The following ANKRD20A1 variants were observed in gnomAD, a reference collection of about 807,000 sequenced individuals.
ANKRD20A1 encodes ankyrin repeat domain 20 family member A1, also known as ankyrin repeat domain-containing protein 20A1.
A neutral mutation model predicts 50.9 loss-of-function variants in ANKRD20A1; 2 were observed. That is an observed-to-expected ratio of 0.04 (90% CI 0.02 to 0.12). The LOEUF (loss-of-function observed/expected upper bound fraction) is 0.12. Among genes scored for constraint, ANKRD20A1 ranks in the 10% least tolerant of loss-of-function variants. The pLI is 1.00. For synonymous variants in ANKRD20A1, 10 were observed against 186.2 expected (o/e 0.05, Z 7.70); for missense variants, 31 against 548.1 (o/e 0.06, Z 9.42).
At position 67,859,627 on chromosome 9, in the gene ANKRD20A1, C is replaced by G. The variant is rs2131547135; in HGVS notation, c.201C>G (p.His67Gln). 2 of 581,950 alleles carry G rather than the reference C, an allele frequency of 3.4e-6. 1 individual carries two copies. Among genetic ancestry groups the G allele is most frequent in the East Asian group, 9.1e-5 (2 of 21,964 alleles). 36.0% of individuals were successfully genotyped at this position (581,950 alleles called of 1,614,324 possible). A position where few individuals can be genotyped will look rare whatever the true frequency, so the allele number is the denominator to read the frequency against. ...ACCTGGACGCCCTGGACAAGCAGCA[C>G]AGGTAGCGGGGGCTCAGCCCGGGGT... ...SGDLDALDKQ[H>Q]RTALHLACTS... Residue 67 changes from histidine to glutamine, a missense_variant and splice_region_variant, in exon 1 of 15, where the codon CAC becomes CAG. Transcript: ENST00000562196.
chr9:67,884,615 G>A lies in ANKRD20A1; in HGVS notation c.979+45G>A, dbSNP rs1463387924. 5 of 1,588,822 alleles carry A rather than the reference G, an allele frequency of 3.1e-6. No homozygotes were observed. In the Admixed American group the frequency reaches 5.1e-5, roughly 16 times the overall value. ...TAAAAAGTCATCTGATGGAGGCCGG[G>A]TGCGGTGGCTCACGCCTGTAATCCC... On this transcript the variant is annotated intron_variant, in intron 9 of 14. Transcript: ENST00000562196.
intron 6 of ANKRD20A1, among the ~76,000 whole-genome samples, chr9:67,873,421 T>C: frequency 6.6e-6 from 1 of 152,312 alleles, no homozygotes; most frequent in Non-Finnish European, 1.5e-5. Context: ...GATATAGAAA[T>C]ACAAGAATCT....
intron 9 of ANKRD20A1, among the ~76,000 whole-genome samples, chr9:67,884,822 G>A (rs1335415302): frequency 2.0e-5 from 3 of 151,210 alleles, no homozygotes; most frequent in Non-Finnish European, 4.4e-5. Flanking sequence ...CCCGGGAGGC[G>A]GGGCTTGCAG....
chr9:67,882,923 G>A (rs1160949833), intron 8 of ANKRD20A1, among the ~76,000 whole-genome samples: 8 of 151,266 alleles, frequency 5.3e-5, no homozygotes, highest in Non-Finnish European at 7.4e-5. Flanking sequence ...TGCTCAGAAC[G>A]ATGGTTTCCA....
chr9:67,882,568 T>G (rs1389054589), intron 8 of ANKRD20A1, among the ~76,000 whole-genome samples: 2 of 150,100 alleles, frequency 1.3e-5, no homozygotes, highest in Non-Finnish European at 3.0e-5. Context: ...GATTTTAGAT[T>G]AACATTTCTT....
chr9:67,897,657 A>G lies in ANKRD20A1; in HGVS notation c.1251A>G (p.Gln417=). ...TSSAAAGRLT[Q]QRKIGKTYPQ... ...CTGCTGCTGCTGGCAGATTAACCCA[A>G]CAAAGAAAGATTGGGAAAACGTATC... Residue 417 remains glutamine (Q), a synonymous_variant, in exon 13 of 15, where the codon CAA becomes CAG. Transcript: ENST00000562196. 3 of 1,022,314 alleles carry G rather than the reference A, an allele frequency of 2.9e-6. No individual in the cohort carries two copies. Among genetic ancestry groups the G allele is most frequent in the Non-Finnish European group, 2.6e-6 (2 of 756,232 alleles). The allele number at this position is 1,022,314 out of a possible 1,614,324, so 63.3% of individuals were successfully genotyped here.
At chr9:67,885,787 G>T (rs1827873604) in intron 9 of ANKRD20A1, among the ~76,000 whole-genome samples, 1 of 152,306 alleles carries the variant, frequency 6.6e-6, no homozygotes, top group Admixed American at 6.5e-5. Context: ...AGCAGGTATG[G>T]GAGTCTGCAT....
At chr9:67,865,659 T>C (rs1441962429) in intron 3 of ANKRD20A1, among the ~76,000 whole-genome samples, 5 of 135,418 alleles carry the variant, frequency 3.7e-5, no homozygotes, top group African/African-American at 1.4e-4. Flanking sequence ...AAATCAAATC[T>C]GGTGTCCCCT....
At chr9:67,873,614 AG>A in intron 6 of ANKRD20A1, among the ~76,000 whole-genome samples, 1 of 141,360 alleles carries the variant, frequency 7.1e-6, no homozygotes, top group South Asian at 2.3e-4. Context: ...AAGGACTCAC[AG>A]GACTCAACAA....
At position 67,859,636 on chromosome 9, in the gene ANKRD20A1, G is replaced by A. The variant is rs1178481608; in HGVS notation, c.203+7G>A. 3.4e-6 allele frequency: 2 copies of A among 581,382 alleles called. 1 individual carries two copies. Among genetic ancestry groups the A allele is most frequent in the Non-Finnish European group, 4.7e-6 (2 of 424,158 alleles). 36.0% of individuals were successfully genotyped at this position (581,382 alleles called of 1,614,324 possible). ...CCCTGGACAAGCAGCACAGGTAGCGGGGGCTCAGCCCGGGGTGGGAGGGGG... is the reference window on the plus strand; with the variant it reads ...CCCTGGACAAGCAGCACAGGTAGCGAGGGCTCAGCCCGGGGTGGGAGGGGG... On this transcript the variant is annotated splice_region_variant and intron_variant, in intron 1 of 14. Coordinates refer to ENST00000562196, the MANE Select transcript of ANKRD20A1 (RefSeq NM_032250.5).
At chr9:67,884,804 G>A (rs1210835848) in intron 9 of ANKRD20A1, among the ~76,000 whole-genome samples, 1 of 151,142 alleles carries the variant, frequency 6.6e-6, no homozygotes, top group East Asian at 2.0e-4. Context: ...GCAGGAGAAT[G>A]GCTTGAACCC....
intron 8 of ANKRD20A1, among the ~76,000 whole-genome samples, chr9:67,881,750 G>A (rs1399203015): frequency 1.3e-5 from 2 of 151,196 alleles, no homozygotes; most frequent in Non-Finnish European, 2.9e-5. Context: ...AGCCAAGATC[G>A]CACCATTGCA....
intron 8 of ANKRD20A1, among the ~76,000 whole-genome samples, chr9:67,882,846 C>T (rs1199341653): frequency 2.0e-5 from 3 of 150,094 alleles, no homozygotes; most frequent in African/African-American, 7.3e-5. Flanking sequence ...TCCAGGTGTT[C>T]TCATTGTTCA....
chr9:67,871,603 G>C (rs1827647815), intron 6 of ANKRD20A1, among the ~76,000 whole-genome samples: 1 of 136,802 alleles, frequency 7.3e-6, no homozygotes, highest in Non-Finnish European at 1.6e-5. Context: ...TTATACAAAT[G>C]GATCTTCGAT....
At chr9:67,882,581 G>A (rs1158110336) in intron 8 of ANKRD20A1, among the ~76,000 whole-genome samples, 1 of 149,894 alleles carries the variant, frequency 6.7e-6, no homozygotes, top group African/African-American at 2.4e-5. Context: ...CATTTCTTAA[G>A]CTTTTTATTA....
chr9:67,881,724 G>A (rs1202506969), intron 8 of ANKRD20A1, among the ~76,000 whole-genome samples: 21 of 151,742 alleles, frequency 1.4e-4, no homozygotes, highest in African/African-American at 4.6e-4. Context: ...GAACCCGGGA[G>A]GCGGAGGTTG....
At chr9:67,881,166 C>T (rs1485017043) in intron 8 of ANKRD20A1, among the ~76,000 whole-genome samples, 1 of 149,762 alleles carries the variant, frequency 6.7e-6, no homozygotes, top group Non-Finnish European at 1.5e-5. Context: ...GTAGTCCCTG[C>T]TACTTGGGAA....
At chr9:67,889,172 G>A (rs1162249379) in intron 11 of ANKRD20A1, among the ~76,000 whole-genome samples, 1 of 111,902 alleles carries the variant, frequency 8.9e-6, no homozygotes, top group Non-Finnish European at 2.0e-5. Flanking sequence ...TCACCATGTT[G>A]GCCAGGCTGC....
Position 67,896,382 on chromosome 9 carries a change from AC to A in ANKRD20A1, c.1153-1176del, listed in dbSNP as rs1440816833. ...ATTTCCAATATTTTTGAAAACATAT[AC>A]TTACACATATTTTAAAAAATCACCA... On this transcript the variant is annotated intron_variant, in intron 12 of 14. Transcript: ENST00000562196. Among the ~76,000 whole-genome samples the A allele has an allele frequency of 2.2e-5, 2 of 91,358 alleles. 1 individual carries two copies. Among genetic ancestry groups the A allele is most frequent in the Non-Finnish European group, 4.9e-5 (2 of 40,796 alleles). 59.9% of individuals were successfully genotyped at this position (91,358 alleles called of 152,430 possible).
Sources: allele counts gnomAD v4.1 joint callset (sites outside exome capture counted in the v4.1 genomes callset), GRCh38; gene constraint gnomAD v4.1.1; transcripts MANE v1.5; gene names NCBI Gene and HGNC (gene_info 2026-07-23, HGNC 2026-07-21).